GLYATL1: variants seen among roughly 807,000 people sequenced by gnomAD.
The protein encoded by GLYATL1 is glycine N-acyltransferase-like protein 1.
Under a neutral mutation model 20.0 loss-of-function variants are expected in GLYATL1, and 15 were observed. The ratio of observed to expected loss-of-function variants is 0.75; its 90% CI spans 0.50 to 1.15. The LOEUF is 1.15. Among genes scored for constraint, GLYATL1 ranks in the 50% most tolerant of loss-of-function variants. The probability of loss-of-function intolerance (pLI) is 0.00; values close to 1 mark genes in which losing one functional copy is unlikely to be tolerated. For synonymous variants in GLYATL1, 151 were observed against 131.5 expected (o/e 1.15, Z -1.01); for missense variants, 380 against 368.5 (o/e 1.03, Z -0.26).
intron 4 of GLYATL1, among the ~76,000 whole-genome samples, chr11:58,948,736 G>A (rs1290435071): frequency 3.9e-5 from 6 of 152,176 alleles, no homozygotes; most frequent in African/African-American, 4.8e-5. Flanking sequence ...CACTTCTCTC[G>A]TTAGTGAATG....
intron 1 of GLYATL1, among the ~76,000 whole-genome samples, chr11:58,921,375 G>C (rs2135114329): frequency 6.6e-6 from 1 of 152,230 alleles, no homozygotes; most frequent in Non-Finnish European, 1.5e-5. Context: ...CTAGTAATAT[G>C]ACCATACGTT....
At chr11:58,940,208 G>T (rs1204210609) in intron 1 of GLYATL1, among the ~76,000 whole-genome samples, 1 of 152,138 alleles carries the variant, frequency 6.6e-6, no homozygotes, top group Non-Finnish European at 1.5e-5. Flanking sequence ...TTCTCCTGTG[G>T]TGCTGTTTGA....
intron 1 of GLYATL1, among the ~76,000 whole-genome samples, chr11:58,942,744 T>C (rs1169978458): frequency 6.6e-6 from 1 of 152,136 alleles, no homozygotes; most frequent in East Asian, 1.9e-4. Flanking sequence ...AATGTATTAG[T>C]CATTGGCAGG....
chr11:58,917,319 A>G (rs1855197834), intron 1 of GLYATL1: 1 of 152,226 alleles, frequency 6.6e-6, no homozygotes, highest in African/African-American at 2.4e-5. Flanking sequence ...GAGACCACAG[A>G]GTTAAACAGG....
intron 4 of GLYATL1, among the ~76,000 whole-genome samples, chr11:58,950,077 C>T (rs1345651204): frequency 7.8e-6 from 1 of 128,276 alleles, no homozygotes; most frequent in African/African-American, 3.1e-5. Context: ...GTCAGGAGAT[C>T]GAGACCACGG....
chr11:58,935,196 G>A (rs1855773836), upstream of GLYATL1: 1 of 152,278 alleles, frequency 6.6e-6, no homozygotes, highest in South Asian at 2.1e-4. Flanking sequence ...CAGAAACCAA[G>A]TCCACCAGGC....
At chr11:58,929,049 CA>C (rs1855508759) in intron 1 of GLYATL1, among the ~76,000 whole-genome samples, 1 of 152,210 alleles carries the variant, frequency 6.6e-6, no homozygotes, top group South Asian at 2.1e-4. Context: ...TTCAACCTTT[CA>C]AAAAGGTTTG....
intron 1 of GLYATL1, among the ~76,000 whole-genome samples, chr11:58,913,651 T>TTG (rs1051318729): frequency 4.6e-5 from 7 of 151,980 alleles, no homozygotes; most frequent in East Asian, 1.9e-4. Context: ...GAAAAATAAA[T>TTG]TGTGTGTGTG....
intron 1 of GLYATL1, chr11:58,933,649 A>G (rs967399351): frequency 9.9e-5 from 15 of 151,910 alleles, no homozygotes; most frequent in Non-Finnish European, 2.9e-5. Context: ...CTTTGGTGGT[A>G]TCATTTTTCT....
chr11:58,943,657 AG>A lies in GLYATL1; in HGVS notation c.-50del. The A allele has an allele frequency of 6.2e-7, 1 of 1,613,174 alleles. No homozygotes were observed. Among genetic ancestry groups the A allele is most frequent in the Non-Finnish European group, 8.5e-7 (1 of 1,179,450 alleles). On this transcript the variant is annotated 5_prime_UTR_variant, in exon 2 of 7. The change creates a premature stop within an existing upstream ORF in the 5' untranslated region. Coordinates refer to ENST00000532726, the MANE Select transcript of GLYATL1 (RefSeq NM_001389712.2). Reference sequence around the variant, plus strand: ...GTCCATTGATCTCTCAGAGTGGCTGAGGATAATAGGTAAGCTCCCTCTCGCA... The same window carrying A: ...GTCCATTGATCTCTCAGAGTGGCTGAGATAATAGGTAAGCTCCCTCTCGCA...
At chr11:58,955,088 A>C in intron 5 of GLYATL1, 88 bp from the exon 6 acceptor site, 1 of 1,338,936 alleles carries the variant, frequency 7.5e-7, no homozygotes, top group Non-Finnish European at 1.0e-6. Context: ...TTTGAGAACT[A>C]CTAAGCACTG....
rs1275841545 is a variant in GLYATL1 at position 58,950,283 on chromosome 11, CTCCG to C, written c.186+2321_186+2324del. On this transcript the variant is annotated intron_variant, in intron 4 of 6. Transcript: ENST00000532726. ...TCCAGCCTTGGGCGACGGAGCGAGA[CTCCG>C]TCTAAAAAAAAAAAAACAAAAAAAT... is the stretch of plus-strand genomic sequence containing the variant. 1.0e-3 allele frequency among the ~76,000 whole-genome samples: 155 copies of C among 150,588 alleles called. 1 individual carries two copies. Among genetic ancestry groups the C allele is most frequent in the African/African-American group, 3.7e-3 (154 of 41,074 alleles).
At chr11:58,941,403 G>A (rs1327249857) in intron 1 of GLYATL1, among the ~76,000 whole-genome samples, 1 of 151,974 alleles carries the variant, frequency 6.6e-6, no homozygotes. Flanking sequence ...GTATTCCATG[G>A]TGTATATATG....
At chr11:58,905,799 G>A (rs1236457323) in intron 1 of GLYATL1, 3 of 384,638 alleles carry the variant, frequency 7.8e-6, no homozygotes, top group Non-Finnish European at 1.6e-5. Context: ...CCGCCCGCGA[G>A]CGCGTGCGCC....
intron 3 of GLYATL1, chr11:58,947,442 CAA>C (rs1856655424): frequency 4.0e-6 from 2 of 501,878 alleles, no homozygotes; most frequent in Non-Finnish European, 7.1e-6. Flanking sequence ...ATATGCATTC[CAA>C]GGCTGCCATT....
chr11:58,927,814 A>G (rs1554984100), exon 1 of GLYATL1: 1 of 151,960 alleles, frequency 6.6e-6, no homozygotes, highest in African/African-American at 2.4e-5. Flanking sequence ...TTTCTTATCT[A>G]TTGGAGGAAG....
chr11:58,913,848 G>A (rs1855107587), intron 1 of GLYATL1, among the ~76,000 whole-genome samples: 1 of 152,200 alleles, frequency 6.6e-6, no homozygotes, highest in South Asian at 2.1e-4. Context: ...GAAGCAGCAA[G>A]TACAAAGGTT....
intron 1 of GLYATL1, among the ~76,000 whole-genome samples, chr11:58,916,427 T>C (rs1459620711): frequency 1.3e-5 from 2 of 152,194 alleles, no homozygotes; most frequent in Non-Finnish European, 2.9e-5. Flanking sequence ...CCTGGCCTTT[T>C]ACATATATTA....
chr11:58,946,033 T>G (rs1344949989), intron 2 of GLYATL1, among the ~76,000 whole-genome samples: 1 of 152,244 alleles, frequency 6.6e-6, no homozygotes, highest in African/African-American at 2.4e-5. Context: ...GTTAACTGAT[T>G]TGCAAATGAT....
Sources: allele counts gnomAD v4.1 joint callset (sites outside exome capture counted in the v4.1 genomes callset), GRCh38; gene constraint gnomAD v4.1.1; transcripts MANE v1.5; gene names NCBI Gene and HGNC (gene_info 2026-07-23, HGNC 2026-07-21).